NECTIN2: variants seen among roughly 807,000 people sequenced by gnomAD.
NECTIN2 encodes the protein nectin cell adhesion molecule 2, also known as nectin-2.
In NECTIN2, 23 loss-of-function variants were observed where a neutral mutation model predicts 56.9. The ratio of observed to expected loss-of-function variants is 0.40; its 90% CI spans 0.29 to 0.57. The LOEUF (loss-of-function observed/expected upper bound fraction) is 0.57. NECTIN2 is among the 20% of genes least tolerant of loss of function. The probability of loss-of-function intolerance (pLI) is 0.38; values close to 1 mark genes in which losing one functional copy is unlikely to be tolerated. For synonymous variants in NECTIN2, 302 were observed against 313.8 expected (o/e 0.96, Z 0.40); for missense variants, 587 against 718.3 (o/e 0.82, Z 2.09).
chr19:44,881,933 G>GTTTTGCT, intron 5 of NECTIN2: 1 of 297,238 alleles, frequency 3.4e-6, no homozygotes, highest in East Asian at 5.6e-5. Flanking sequence ...GTGAGCTATT[G>GTTTTGCT]TACTGGTTTG....
chr19:44,880,958 G>C (rs1195220361), intron 5 of NECTIN2, among the ~76,000 whole-genome samples: 1 of 151,900 alleles, frequency 6.6e-6, no homozygotes. Context: ...ATTTTTAGTA[G>C]AGACAGGGTT....
At chr19:44,847,992 C>T (rs1968856770) in intron 1 of NECTIN2, among the ~76,000 whole-genome samples, 1 of 152,146 alleles carries the variant, frequency 6.6e-6, no homozygotes, top group Non-Finnish European at 1.5e-5. Flanking sequence ...TTGCAGGTGA[C>T]CCGGTTGTGT....
In NECTIN2 at chr19:44,854,812, CA is replaced by C. The variant is rs201030320; in HGVS notation, c.88+8207del. On this transcript the variant is annotated intron_variant, in intron 1 of 8. Coordinates refer to ENST00000252483, the MANE Select transcript of NECTIN2 (RefSeq NM_001042724.2). ...CGGGCAACAGAGTGAGACTCCACCTCAAAAAAAATTTTTTTAAAAAGAACTC... is the reference window on the plus strand; with the variant it reads ...CGGGCAACAGAGTGAGACTCCACCTCAAAAAAATTTTTTTAAAAAGAACTC... Among the ~76,000 whole-genome samples, 4 of 151,112 alleles carry C rather than the reference CA, an allele frequency of 2.6e-5. No homozygotes were observed. In the South Asian group the frequency reaches 6.3e-4, roughly 24 times the overall value.
chr19:44,858,213 C>T (rs1411481227), intron 1 of NECTIN2, among the ~76,000 whole-genome samples: 1 of 152,078 alleles, frequency 6.6e-6, no homozygotes, highest in Non-Finnish European at 1.5e-5. Context: ...ATTTTTCCCC[C>T]AAGTGACACA....
intron 8 of NECTIN2, 73 bp from the exon 9 acceptor site, chr19:44,888,037 G>A: frequency 6.6e-7 from 1 of 1,524,802 alleles, no homozygotes; most frequent in Non-Finnish European, 8.9e-7. Context: ...GGATTTTGGG[G>A]TCAAGAGCAG....
Position 44,874,001 on chromosome 19 carries a change from C to T in NECTIN2, c.861C>T (p.Ser287=). 6.2e-7 allele frequency: 1 copy of T among 1,613,866 alleles called. No homozygotes were observed. Among genetic ancestry groups the T allele is most frequent in the Non-Finnish European group, 8.5e-7 (1 of 1,179,942 alleles). ...TDATLSCDVR[S]NPEPTGYDWS... The stretch of plus-strand genomic sequence containing the variant: ...CCACCCTGAGCTGTGACGTCCGCAG[C>T]AACCCAGAGCCCACGGGCTATGACT... Residue 287 remains serine (S), a synonymous_variant, in exon 4 of 9, where the codon AGC becomes AGT. Coordinates refer to ENST00000252483, the MANE Select transcript of NECTIN2 (RefSeq NM_001042724.2). The surrounding 1 kb of genome is among the most constrained non-coding windows in gnomAD (Gnocchi z 6.3).
At chr19:44,846,997 CCT>C (rs1357767196) in intron 1 of NECTIN2, among the ~76,000 whole-genome samples, 2 of 152,080 alleles carry the variant, frequency 1.3e-5, no homozygotes, top group Non-Finnish European at 2.9e-5. Context: ...CTCCTCTACC[CCT>C]CTCAGGAATG....
At chr19:44,884,724 C>G (rs1318187830) in intron 6 of NECTIN2, among the ~76,000 whole-genome samples, 1 of 152,162 alleles carries the variant, frequency 6.6e-6, no homozygotes, top group Non-Finnish European at 1.5e-5. Context: ...CCAGAGGGGG[C>G]ATCTGACCCA....
At chr19:44,883,879 G>A (rs1218032824) in intron 6 of NECTIN2, among the ~76,000 whole-genome samples, 7 of 152,020 alleles carry the variant, frequency 4.6e-5, no homozygotes, top group African/African-American at 1.7e-4. Flanking sequence ...CAGCACTTTG[G>A]GAAGCCAACC....
chr19:44,860,563 T>G lies in NECTIN2; in HGVS notation c.89-4708T>G, dbSNP rs138607350. Among the ~76,000 whole-genome samples, 901 of 152,164 alleles carry G rather than the reference T, an allele frequency of 5.9e-3. 8 individuals are homozygous for G. Among genetic ancestry groups the G allele is most frequent in the Non-Finnish European group, 8.7e-3 (590 of 68,012 alleles). On this transcript the variant is annotated intron_variant, in intron 1 of 8. Transcript: ENST00000252483. ...AACAGATGTAAAACTCCAAATATACTTAAAGCCACTGAATTGTACTGTATT... is the reference window on the plus strand; with the variant it reads ...AACAGATGTAAAACTCCAAATATACGTAAAGCCACTGAATTGTACTGTATT...
chr19:44,858,130 G>T (rs186472069), intron 1 of NECTIN2, among the ~76,000 whole-genome samples: 187 of 152,196 alleles, frequency 1.2e-3, no homozygotes, highest in African/African-American at 4.3e-3. Context: ...ATTTCGCATA[G>T]CTCAGACTGA....
At chr19:44,886,327 G>A in intron 8 of NECTIN2, 108 bp downstream of exon 8, 2 of 894,320 alleles carry the variant, frequency 2.2e-6, no homozygotes, top group East Asian at 5.0e-5. Flanking sequence ...TCAAGGTCAA[G>A]GGTGTGTCCC....
In NECTIN2 at chr19:44,865,753, T is replaced by A; in HGVS notation, c.478+93T>A. 1.5e-6 allele frequency: 2 copies of A among 1,332,026 alleles called. No individual in the cohort carries two copies. The highest frequency in any genetic ancestry group is 2.0e-6 in the Non-Finnish European group (2 of 1,004,638). 82.5% of individuals were successfully genotyped at this position (1,332,026 alleles called of 1,614,324 possible). On this transcript the variant is annotated intron_variant, in intron 2 of 8. Transcript: ENST00000252483. This position sits in a 1 kb window ranked among gnomAD's most constrained non-coding sequence, Gnocchi z 5.2. ...TCAGTTTCTCTCTTGGCTTCAGCTG[T>A]GAGGTTCACATTCTCTGTGGGTTTC...
chr19:44,869,542 G>A (rs902444259), intron 2 of NECTIN2, among the ~76,000 whole-genome samples: 25 of 140,716 alleles, frequency 1.8e-4, no homozygotes, highest in Non-Finnish European at 6.0e-5. Context: ...GCAGTGAGCC[G>A]AGATCGCATC....
chr19:44,866,745 A>G (rs180865965), intron 2 of NECTIN2, among the ~76,000 whole-genome samples: 271 of 152,214 alleles, frequency 1.8e-3, no homozygotes, highest in African/African-American at 5.9e-3. Context: ...GCTTTTGCCC[A>G]GGGAGGATAA....
chr19:44,869,255 A>C (rs151081813), intron 2 of NECTIN2, among the ~76,000 whole-genome samples: 1 of 152,200 alleles, frequency 6.6e-6, no homozygotes, highest in African/African-American at 2.4e-5. Context: ...CAACAAGAGC[A>C]AAACTCTGTC....
At chr19:44,878,158 AGCGATCCTC>A in intron 5 of NECTIN2, 1 of 619,268 alleles carries the variant, frequency 1.6e-6, no homozygotes, top group South Asian at 1.9e-5. Context: ...CACTCCCCAG[AGCGATCCTC>A]GTGATCTTGT....
chr19:44,878,721 G>A (rs922856134), intron 5 of NECTIN2: 2 of 1,494,392 alleles, frequency 1.3e-6, no homozygotes, highest in Non-Finnish European at 1.8e-6. Flanking sequence ...TCGTCTGGAC[G>A]ACACTGGAGT....
intron 8 of NECTIN2, among the ~76,000 whole-genome samples, chr19:44,887,581 G>T (rs1969374804): frequency 6.6e-6 from 1 of 152,104 alleles, no homozygotes; most frequent in Non-Finnish European, 1.5e-5. Flanking sequence ...GGAGGCAGAG[G>T]TTGCAGTGAG....
Sources: allele counts gnomAD v4.1 joint callset (sites outside exome capture counted in the v4.1 genomes callset), GRCh38; gene constraint gnomAD v4.1.1; non-coding constraint Gnocchi (gnomAD v3.1); transcripts MANE v1.5; gene names NCBI Gene and HGNC (gene_info 2026-07-23, HGNC 2026-07-21).